EDARADD: variants seen among roughly 807,000 people sequenced by gnomAD.
EDARADD encodes EDAR associated via death domain, also known as ectodysplasin-A receptor-associated adapter protein.
A neutral mutation model predicts 25.6 loss-of-function variants in EDARADD; 20 were observed. That is an observed-to-expected ratio of 0.78 (90% CI 0.55 to 1.14). EDARADD has a LOEUF of 1.14. EDARADD is among the 50% of genes most tolerant of loss of function. EDARADD has a pLI of 0.00. For missense variants in EDARADD, 225 were observed against 270.1 expected (o/e 0.83, Z 1.17); for synonymous variants, 86 against 94.4 (o/e 0.91, Z 0.52).
rs1184705463 is a variant in EDARADD at position 236,363,006 on chromosome 1, A to AATATATATATATATATATAT, written c.-6+12175_-6+12194dup. Among the ~76,000 whole-genome samples the AATATATATATATATATATAT allele has an allele frequency of 4.9e-4, 21 of 42,930 alleles. 1 individual carries two copies. The highest frequency in any genetic ancestry group is 1.1e-3 in the African/African-American group (10 of 9,028). The allele number at this position is 42,930 out of a possible 152,430, so 28.2% of individuals were successfully genotyped here. Reference sequence around the variant, plus strand: ...TTTTAAGAAAAAAAAAAAAAAAAAAAATATATATATATATATATATATATA... The same window carrying AATATATATATATATATATAT: ...TTTTAAGAAAAAAAAAAAAAAAAAAAATATATATATATATATATATATATATATATATATATATATATATA... On this transcript the variant is annotated intron_variant, in intron 3 of 7. Coordinates refer to the EDARADD transcript ENST00000439430.
chr1:236,371,169 AT>A (rs1414324708), intron 3 of EDARADD, among the ~76,000 whole-genome samples: 1 of 152,198 alleles, frequency 6.6e-6, no homozygotes, highest in African/African-American at 2.4e-5. Context: ...TAAGTATTGC[AT>A]TTTTAGAGGA....
chr1:236,393,784 T>C (rs1232919133), upstream of EDARADD, among the ~76,000 whole-genome samples: 1 of 152,216 alleles, frequency 6.6e-6, no homozygotes, highest in African/African-American at 2.4e-5. Flanking sequence ...AGCAAATTGA[T>C]TGTATGGGAA....
chr1:236,427,680 T>G lies in EDARADD; in HGVS notation c.219+230T>G, dbSNP rs181985294. Among the ~76,000 whole-genome samples, 243 of 152,256 alleles carry G rather than the reference T, an allele frequency of 1.6e-3. 3 individuals carry two copies. In the Middle Eastern group the frequency reaches 0.048, roughly 30 times the overall value. ...TCATTCTTTGAAATACTCTTCTACA[T>G]GCCAACAACAGAAAATCAATGCTGG... On this transcript the variant is annotated intron_variant, in intron 4 of 5. Coordinates refer to ENST00000334232, the MANE Select transcript of EDARADD (RefSeq NM_145861.4).
intron 4 of EDARADD, among the ~76,000 whole-genome samples, chr1:236,454,730 C>T (rs1362044850): frequency 6.6e-6 from 1 of 152,220 alleles, no homozygotes; most frequent in Non-Finnish European, 1.5e-5. Flanking sequence ...CCCAGCACCC[C>T]CGCCAGATGC....
At chr1:236,481,495 G>T (rs1240551971) in intron 5 of EDARADD, among the ~76,000 whole-genome samples, 1 of 151,958 alleles carries the variant, frequency 6.6e-6, no homozygotes, top group African/African-American at 2.4e-5. Context: ...AGGTGCGGTG[G>T]CTCATGCTTG....
chr1:236,479,679 G>A (rs7524968), intron 5 of EDARADD, among the ~76,000 whole-genome samples: 2 of 151,206 alleles, frequency 1.3e-5, no homozygotes, highest in Admixed American at 6.6e-5. Context: ...TGACTGCCTC[G>A]GTATAACTTG....
Position 236,445,234 on chromosome 1 carries a change from C to CTTTTTTTTTTTTTTTTTTTTTTTTTTTT in EDARADD, c.219+17795_219+17796insTTTTTTTTTTTTTTTTTTTTTTTTTTTT, listed in dbSNP as rs61333307. On this transcript the variant is annotated intron_variant, in intron 4 of 5. Coordinates refer to ENST00000334232, the MANE Select transcript of EDARADD (RefSeq NM_145861.4). Reference sequence around the variant, plus strand: ...TGCATTAGCTGGGACATAATAAATTCTTTTTTTTTTTGAGACAGAGTCTTG... The same window carrying CTTTTTTTTTTTTTTTTTTTTTTTTTTTT: ...TGCATTAGCTGGGACATAATAAATTCTTTTTTTTTTTTTTTTTTTTTTTTTTTTTTTTTTTTTTTGAGACAGAGTCTTG... Among the ~76,000 whole-genome samples, 6 of 89,698 alleles carry CTTTTTTTTTTTTTTTTTTTTTTTTTTTT rather than the reference C, an allele frequency of 6.7e-5. 2 individuals are homozygous for CTTTTTTTTTTTTTTTTTTTTTTTTTTTT. The highest frequency in any genetic ancestry group is 1.4e-4 in the Non-Finnish European group (6 of 41,736). The allele number at this position is 89,698 out of a possible 152,430, so 58.8% of individuals were successfully genotyped here.
chr1:236,378,456 T>C (rs1233081023), intron 3 of EDARADD, among the ~76,000 whole-genome samples: 2 of 152,188 alleles, frequency 1.3e-5, no homozygotes, highest in Non-Finnish European at 2.9e-5. Flanking sequence ...TGGGGAGGTT[T>C]CTACTCCCAT....
chr1:236,459,811 A>T (rs568164750), intron 4 of EDARADD, among the ~76,000 whole-genome samples: 1 of 151,802 alleles, frequency 6.6e-6, no homozygotes, highest in Admixed American at 6.6e-5. Context: ...ACGGGGTTTC[A>T]CCATGTTAGC....
chr1:236,365,871 AC>A (rs1667108006), intron 3 of EDARADD, among the ~76,000 whole-genome samples: 2 of 151,918 alleles, frequency 1.3e-5, no homozygotes, highest in African/African-American at 2.4e-5. Flanking sequence ...AAATTCACTA[AC>A]CTTTTTTCTG....
intron 5 of EDARADD, among the ~76,000 whole-genome samples, chr1:236,475,415 T>C (rs1286484644): frequency 6.6e-6 from 1 of 152,226 alleles, no homozygotes; most frequent in Admixed American, 6.5e-5. Context: ...GATTCACTTA[T>C]ATTAGCAGTT....
upstream of EDARADD, chr1:236,394,270 C>T (rs1264054921): frequency 3.0e-6 from 2 of 661,962 alleles, no homozygotes; most frequent in Non-Finnish European, 5.2e-6. Context: ...AAAAATTTCC[C>T]TTCCTATCCG....
At chr1:236,467,982 T>C (rs1659260875) in intron 4 of EDARADD, among the ~76,000 whole-genome samples, 1 of 152,098 alleles carries the variant, frequency 6.6e-6, no homozygotes, top group Admixed American at 6.5e-5. Flanking sequence ...CTGCTGTGTA[T>C]CAAGCACTGT....
At chr1:236,403,131 T>C (rs1667643923) in intron 1 of EDARADD, among the ~76,000 whole-genome samples, 2 of 152,016 alleles carry the variant, frequency 1.3e-5, no homozygotes, top group Middle Eastern at 3.4e-3. Flanking sequence ...AATTTTTGTA[T>C]TTTTAGTAGA....
chr1:236,424,259 C>T (rs1287281116), intron 3 of EDARADD, among the ~76,000 whole-genome samples: 1 of 143,068 alleles, frequency 7.0e-6, no homozygotes, highest in African/African-American at 2.6e-5. Context: ...CCTCTGGGAG[C>T]CAAGTGATCC....
At chr1:236,359,347 T>C (rs1385217104) in intron 3 of EDARADD, among the ~76,000 whole-genome samples, 1 of 152,238 alleles carries the variant, frequency 6.6e-6, no homozygotes, top group Non-Finnish European at 1.5e-5. Flanking sequence ...CCCTCATTAA[T>C]AGATTCATTC....
At chr1:236,391,262 C>T (rs1327742358), upstream of EDARADD, among the ~76,000 whole-genome samples, 3 of 152,142 alleles carry the variant, frequency 2.0e-5, no homozygotes, top group African/African-American at 7.2e-5. Flanking sequence ...GATGTCGCCA[C>T]CACCTAATTG....
intron 3 of EDARADD, among the ~76,000 whole-genome samples, chr1:236,370,085 G>C (rs1308676975): frequency 6.6e-6 from 1 of 152,002 alleles, no homozygotes; most frequent in East Asian, 1.9e-4. Context: ...ACCACCCAAA[G>C]GGTTCATCTT....
At chr1:236,433,750 A>T (rs1001472450) in intron 4 of EDARADD, among the ~76,000 whole-genome samples, 5 of 151,946 alleles carry the variant, frequency 3.3e-5, no homozygotes, top group African/African-American at 1.2e-4. Context: ...GGTGCCTGTT[A>T]TCCCAGCTAC....
Sources: allele counts gnomAD v4.1 joint callset (sites outside exome capture counted in the v4.1 genomes callset), GRCh38; gene constraint gnomAD v4.1.1; transcripts MANE v1.5; gene names NCBI Gene and HGNC (gene_info 2026-07-23, HGNC 2026-07-21).